The following TRIM5 variants were observed in gnomAD, a reference collection of about 807,000 sequenced individuals.
The protein encoded by TRIM5 is tripartite motif-containing protein 5.
In TRIM5, 31 loss-of-function variants were observed where a neutral mutation model predicts 35.6. That is an observed-to-expected ratio of 0.87 (90% CI 0.65 to 1.18). The LOEUF (loss-of-function observed/expected upper bound fraction) is 1.18. Among genes scored for constraint, TRIM5 ranks in the 50% most tolerant of loss-of-function variants. TRIM5 has a pLI of 0.00. For missense variants in TRIM5, 609 were observed against 591.6 expected, an observed-to-expected ratio of 1.03 and a Z score of -0.31; for synonymous variants, 243 against 215.6, an observed-to-expected ratio of 1.13 and a Z score of -1.11.
chr11:5,618,672 A>G, the TRIM5 span, among the ~76,000 whole-genome samples: 1 of 152,252 alleles, frequency 6.6e-6, no homozygotes, highest in South Asian at 2.1e-4. Context: ...TACATTGCAT[A>G]TTGATTAATC....
At chr11:5,665,593 A>G (rs1437179917) in intron 7 of TRIM5, 63 bp downstream of exon 7, 1 of 1,585,196 alleles carries the variant, frequency 6.3e-7, no homozygotes, top group East Asian at 2.2e-5. Context: ...AAAATTCTAA[A>G]AGATAAAGAT....
intron 4 of TRIM5, among the ~76,000 whole-genome samples, chr11:5,675,407 T>A (rs1019849659): frequency 3.3e-5 from 5 of 152,054 alleles, no homozygotes; most frequent in Non-Finnish European, 5.9e-5. Context: ...GACAAGGACC[T>A]GGGTCCAGGT....
chr11:5,655,592 C>T, the TRIM5 span: 2 of 950,892 alleles, frequency 2.1e-6, no homozygotes, highest in African/African-American at 3.5e-5. Context: ...GGTCATCCTA[C>T]ATGAATAGCA....
At chr11:5,625,132 A>G in the TRIM5 span, 1 of 152,052 alleles carries the variant, frequency 6.6e-6, no homozygotes, top group Non-Finnish European at 1.5e-5. Context: ...AAGTTAGGGG[A>G]ATTTGATTTA....
At position 5,664,579 on chromosome 11, in the gene TRIM5, T is replaced by C. The variant is rs1227243385; in HGVS notation, c.*230A>G. 1 of 1,272,582 alleles carries C rather than the reference T, an allele frequency of 7.9e-7. No individual in the cohort carries two copies. The highest frequency in any genetic ancestry group is 1.5e-5 in the African/African-American group (1 of 65,990). 78.8% of individuals were successfully genotyped at this position (1,272,582 alleles called of 1,614,324 possible). ...TTTATGAGGTATAGGTCAGTTTTCC[T>C]TAGGAGTACGGAAAATGATGAAAAA... On this transcript the variant is annotated 3_prime_UTR_variant, in exon 8 of 8. Coordinates refer to ENST00000380034, the MANE Select transcript of TRIM5 (RefSeq NM_033034.3).
the TRIM5 span, among the ~76,000 whole-genome samples, chr11:5,640,059 C>G: frequency 2.6e-5 from 4 of 152,162 alleles, no homozygotes; most frequent in African/African-American, 9.7e-5. Flanking sequence ...GTTGTGGTAT[C>G]AAATACTAAA....
chr11:5,639,607 G>A, the TRIM5 span, among the ~76,000 whole-genome samples: 9 of 149,746 alleles, frequency 6.0e-5, no homozygotes, highest in Admixed American at 6.0e-4. Flanking sequence ...TTGAACCGGG[G>A]AGGTGGAGGT....
intron 4 of TRIM5, among the ~76,000 whole-genome samples, chr11:5,671,231 T>C (rs1221073424): frequency 2.6e-5 from 4 of 151,466 alleles, no homozygotes; most frequent in African/African-American, 7.3e-5. Context: ...GTCTAAAATA[T>C]ATATATGTTA....
the TRIM5 span, among the ~76,000 whole-genome samples, chr11:5,623,574 G>A: frequency 1.3e-5 from 2 of 150,154 alleles, no homozygotes; most frequent in Non-Finnish European, 3.0e-5. Context: ...AGAGACGGGG[G>A]TTTCACCATG....
the TRIM5 span, among the ~76,000 whole-genome samples, chr11:5,607,022 T>G: frequency 1.4e-4 from 21 of 152,028 alleles, no homozygotes; most frequent in African/African-American, 5.1e-4. Context: ...GCTAACACGG[T>G]GAAACCCCGT....
At chr11:5,603,904 C>T in the TRIM5 span, among the ~76,000 whole-genome samples, 3 of 151,892 alleles carry the variant, frequency 2.0e-5, no homozygotes, top group Non-Finnish European at 2.9e-5. Context: ...CTTGCTATTC[C>T]AGATTGAGTA....
chr11:5,608,144 A>G, the TRIM5 span, among the ~76,000 whole-genome samples: 1 of 152,206 alleles, frequency 6.6e-6, no homozygotes, highest in Non-Finnish European at 1.5e-5. Flanking sequence ...ATGCACACAC[A>G]CAATGTTGTG....
chr11:5,633,913 C>A, the TRIM5 span: 1 of 1,613,146 alleles, frequency 6.2e-7, no homozygotes, highest in South Asian at 1.1e-5. Context: ...AGAGGAGATT[C>A]TGAAGGTTTT....
the TRIM5 span, chr11:5,655,540 T>A: frequency 1.4e-6 from 1 of 734,606 alleles, no homozygotes; most frequent in Middle Eastern, 6.8e-4. Context: ...TAACAAAAGA[T>A]GCCAAAATAT....
At chr11:5,614,031 A>C in the TRIM5 span, among the ~76,000 whole-genome samples, 1 of 152,164 alleles carries the variant, frequency 6.6e-6, no homozygotes, top group Non-Finnish European at 1.5e-5. Context: ...AAGGTTGCTC[A>C]ATCTGAGACT....
At chr11:5,605,254 C>G in the TRIM5 span, 1 of 1,595,410 alleles carries the variant, frequency 6.3e-7, no homozygotes, top group Non-Finnish European at 8.6e-7. Flanking sequence ...GAAAGCAGTC[C>G]TGAGCCCAAC....
the TRIM5 span, among the ~76,000 whole-genome samples, chr11:5,602,535 T>G: frequency 2.0e-5 from 3 of 151,818 alleles, no homozygotes; most frequent in Non-Finnish European, 2.9e-5. Context: ...GGTAGGAAGC[T>G]AGTAAGTCAT....
At chr11:5,611,541 C>T in the TRIM5 span, 14 of 531,066 alleles carry the variant, frequency 2.6e-5, no homozygotes, top group East Asian at 1.9e-4. Flanking sequence ...GCAACCTCTG[C>T]CTCCTGGGTT....
Position 5,680,674 on chromosome 11 carries a change from G to A in TRIM5, c.-61-436C>T, listed in dbSNP as rs116425322. Among the ~76,000 whole-genome samples, 494 of 152,188 alleles carry A rather than the reference G, an allele frequency of 3.2e-3. 2 individuals carry two copies. Among genetic ancestry groups the A allele is most frequent in the African/African-American group, 0.011 (465 of 41,502 alleles). On this transcript the variant is annotated intron_variant, in intron 1 of 7. Transcript: ENST00000380034. Reference sequence around the variant, plus strand: ...TGAAATGTTTCTCTGATGTTAGTACGATTTTATTAAATTCTCTCCTTACAT... The same window carrying A: ...TGAAATGTTTCTCTGATGTTAGTACAATTTTATTAAATTCTCTCCTTACAT...
Sources: gnomAD v4.1 joint callset for allele counts (sites outside exome capture counted in the v4.1 genomes callset) on GRCh38, gnomAD v4.1.1 for gene constraint, MANE v1.5 for transcripts, NCBI Gene and HGNC (gene_info 2026-07-23, HGNC 2026-07-21) for gene names.